HEATR5A: variants seen among roughly 807,000 people sequenced by gnomAD.
HEATR5A encodes HEAT repeat-containing protein 5A.
HEATR5A carries 178 observed loss-of-function variants against 218.8 expected under a neutral mutation model. The ratio of observed to expected loss-of-function variants is 0.81; its 90% confidence interval spans 0.72 to 0.92. The LOEUF is 0.92. HEATR5A is among the 40% of genes least tolerant of loss of function. HEATR5A has a pLI of 0.00. For missense variants in HEATR5A, 2,420 were observed against 2,418.9 expected (o/e 1.00, Z -0.01); for synonymous variants, 864 against 871.6 (o/e 0.99, Z 0.15).
At chr14:31,344,399 C>G (rs1900954150) in intron 20 of HEATR5A, among the ~76,000 whole-genome samples, 1 of 149,798 alleles carries the variant, frequency 6.7e-6, no homozygotes, top group Non-Finnish European at 1.5e-5. Flanking sequence ...TGCCTCCGGT[C>G]TCCCGAGTAG....
chr14:31,364,252 A>G lies in HEATR5A; in HGVS notation c.2008T>C (p.Ser670Pro). ...KMYGSPLKTP[S>P]VVYRQRLYEL... is the part of the protein sequence containing the mutation. ...TAAAGTCTTTGTCTATAAACCACTG[A>G]CGGTGTTTTCAAAGGACTTCCATAC... The change falls in exon 14 of 36, where the codon TCA becomes CCA. Residue 670 changes from serine (S) to proline (P), a missense_variant. Coordinates refer to ENST00000543095, the MANE Select transcript of HEATR5A (RefSeq NM_015473.4). 1 of 1,554,576 alleles carries G rather than the reference A, an allele frequency of 6.4e-7. No individual in the cohort carries two copies.
intron 4 of HEATR5A, 56 bp from the exon 5 acceptor site, chr14:31,395,404 A>G: frequency 1.0e-6 from 1 of 955,128 alleles, no homozygotes; most frequent in African/African-American, 1.6e-5. Flanking sequence ...AAAGAACAGG[A>G]TTAAACATTG....
rs1201940510 is a variant in HEATR5A at position 31,296,019 on chromosome 14, C to CAGTA, written c.5505_5508dup (p.Ala1837TyrfsTer26). 2 of 1,613,334 alleles carry CAGTA rather than the reference C, an allele frequency of 1.2e-6. No homozygotes were observed. Among genetic ancestry groups the CAGTA allele is most frequent in the African/African-American group, 2.7e-5 (2 of 74,910 alleles). On this transcript the variant is annotated frameshift_variant, in exon 34 of 36. Coordinates refer to ENST00000543095, the MANE Select transcript of HEATR5A (RefSeq NM_015473.4). LOFTEE classifies it high-confidence loss of function. ...GTAGACAAAATAAACACTGTGATAG[C>CAGTA]AGTAAGTAGACTGACTTCATCAAGT...
rs1345863617 is a variant in HEATR5A, at chr14:31,307,886, A to C, written c.4818+7T>G. 2 of 1,607,846 alleles carry C rather than the reference A, an allele frequency of 1.2e-6. No individual in the cohort carries two copies. Among genetic ancestry groups the C allele is most frequent in the South Asian group, 2.2e-5 (2 of 89,034 alleles). On this transcript the variant is annotated splice_region_variant and intron_variant, in intron 30 of 35. Transcript: ENST00000543095. ...AAGCCTTACAAAAAAAACCCCAGAT[A>C]AATCACCTGATCACTGCCAATTTTT...
At chr14:31,364,806 T>C (rs1901744580) in intron 13 of HEATR5A, among the ~76,000 whole-genome samples, 1 of 152,222 alleles carries the variant, frequency 6.6e-6, no homozygotes, top group Non-Finnish European at 1.5e-5. Flanking sequence ...CCTACTGGTG[T>C]TAAGACATCA....
Position 31,364,260 on chromosome 14 carries a change from T to C in HEATR5A, c.2000A>G (p.Lys667Arg), listed in dbSNP as rs746437842. The C allele has an allele frequency of 6.5e-7, 1 of 1,549,042 alleles. No individual in the cohort carries two copies. Among genetic ancestry groups the C allele is most frequent in the South Asian group, 1.2e-5 (1 of 82,916 alleles). ...TTGTCTATAAACCACTGACGGTGTT[T>C]TCAAAGGACTTCCATACATTTTTAG... ...SILKMYGSPL[K>R]TPSVVYRQRL... is the part of the protein sequence containing the mutation. The change falls in exon 14 of 36, where the codon AAA becomes AGA. Residue 667 changes from lysine (K) to arginine (R), a missense_variant. Transcript: ENST00000543095.
chr14:31,382,867 C>G (rs1379182978), intron 10 of HEATR5A, among the ~76,000 whole-genome samples: 3 of 151,036 alleles, frequency 2.0e-5, no homozygotes, highest in Non-Finnish European at 4.4e-5. Context: ...TAAGTTACCT[C>G]TTTTTAAAAT....
intron 13 of HEATR5A, among the ~76,000 whole-genome samples, chr14:31,367,508 T>G (rs750915035): frequency 3.3e-5 from 5 of 149,510 alleles, no homozygotes; most frequent in African/African-American, 1.2e-4. Context: ...CAGACTATTC[T>G]CCTGCCTCCA....
chr14:31,384,060 A>T (rs1317837964), intron 9 of HEATR5A, among the ~76,000 whole-genome samples: 1 of 152,210 alleles, frequency 6.6e-6, no homozygotes, highest in Non-Finnish European at 1.5e-5. Flanking sequence ...TTATTTCCTA[A>T]ATAAGCCAAT....
intron 13 of HEATR5A, among the ~76,000 whole-genome samples, chr14:31,369,630 A>C (rs1315585089): frequency 1.4e-5 from 2 of 147,186 alleles, no homozygotes; most frequent in South Asian, 2.1e-4. Context: ...AAAAAAAAAA[A>C]AAAAAACCCA....
chr14:31,317,576 G>T (rs952614920), intron 26 of HEATR5A, among the ~76,000 whole-genome samples: 1 of 152,084 alleles, frequency 6.6e-6, no homozygotes. Context: ...GATTACAGGC[G>T]TGAGCCACTG....
intron 6 of HEATR5A, among the ~76,000 whole-genome samples, chr14:31,391,025 T>C (rs2030432286): frequency 6.6e-6 from 1 of 152,124 alleles, no homozygotes; most frequent in African/African-American, 2.4e-5. Context: ...TCTGACTCTG[T>C]GTAGGCCTGG....
chr14:31,318,777 GT>G (rs1203383053), intron 25 of HEATR5A, among the ~76,000 whole-genome samples: 34 of 152,296 alleles, frequency 2.2e-4, no homozygotes, highest in African/African-American at 8.2e-4. Flanking sequence ...GTGAGCCACT[GT>G]GCCCAGCCTC....
intron 13 of HEATR5A, among the ~76,000 whole-genome samples, chr14:31,364,767 G>A (rs768614932): frequency 6.6e-6 from 1 of 152,002 alleles, no homozygotes; most frequent in Non-Finnish European, 1.5e-5. Flanking sequence ...TCATTTTCAT[G>A]TACTCTTCTT....
At chr14:31,309,973 G>A (rs1394446007) in intron 28 of HEATR5A, among the ~76,000 whole-genome samples, 1 of 151,990 alleles carries the variant, frequency 6.6e-6, no homozygotes, top group African/African-American at 2.4e-5. Flanking sequence ...AAAGTGCTGG[G>A]ATTACAGGTG....
At chr14:31,366,208 A>T (rs1417847099) in intron 13 of HEATR5A, among the ~76,000 whole-genome samples, 1 of 152,142 alleles carries the variant, frequency 6.6e-6, no homozygotes, top group Non-Finnish European at 1.5e-5. Flanking sequence ...CACGAGTTTG[A>T]GGATATGGTG....
chr14:31,318,877 G>T (rs1024977442), intron 25 of HEATR5A, among the ~76,000 whole-genome samples: 2 of 152,184 alleles, frequency 1.3e-5, no homozygotes, highest in African/African-American at 4.8e-5. Context: ...AGGCTCTCAA[G>T]ACTTTCACTG....
At chr14:31,411,922 C>G (rs567830728) in intron 1 of HEATR5A, among the ~76,000 whole-genome samples, 1 of 152,182 alleles carries the variant, frequency 6.6e-6, no homozygotes, top group South Asian at 2.1e-4. Flanking sequence ...GTGGTGTAAT[C>G]TTGGCTCATT....
rs1248813489 is a variant in HEATR5A at position 31,400,288 on chromosome 14, ATG to A, written c.338+11_338+12del. ...ATATTTTGTTTTCTGTTCTGTTTTA[ATG>A]TTTCACTTACAGCTTAGTGGGAAGA... is the stretch of plus-strand genomic sequence containing the variant. On this transcript the variant is annotated intron_variant, in intron 3 of 35. Coordinates refer to ENST00000543095, the MANE Select transcript of HEATR5A (RefSeq NM_015473.4). 2 of 1,500,876 alleles carry A rather than the reference ATG, an allele frequency of 1.3e-6. No homozygotes were observed. The highest frequency in any genetic ancestry group is 1.8e-6 in the Non-Finnish European group (2 of 1,116,264). 93.0% of individuals were successfully genotyped at this position (1,500,876 alleles called of 1,614,324 possible).
Sources: gnomAD v4.1 joint callset for allele counts (sites outside exome capture counted in the v4.1 genomes callset) on GRCh38, gnomAD v4.1.1 for gene constraint, MANE v1.5 for transcripts, NCBI Gene and HGNC (gene_info 2026-07-23, HGNC 2026-07-21) for gene names.